FLNB: variants seen among roughly 807,000 people sequenced by gnomAD.
FLNB encodes the protein filamin B, also known as filamin-B.
In FLNB, 111 loss-of-function variants were observed where a neutral mutation model predicts 250.6. That is an observed-to-expected ratio of 0.44 (90% CI 0.38 to 0.52). FLNB has a LOEUF of 0.52. FLNB is among the 20% of genes least tolerant of loss of function. The probability of loss-of-function intolerance (pLI) is 0.00; values close to 1 mark genes in which losing one functional copy is unlikely to be tolerated. For synonymous variants in FLNB, 1,302 were observed against 1,372.1 expected, an observed-to-expected ratio of 0.95 and a Z score of 1.13; for missense variants, 2,869 against 3,447.8, an observed-to-expected ratio of 0.83 and a Z score of 4.20.
At position 58,142,859 on chromosome 3, in the gene FLNB, C is replaced by A; in HGVS notation, c.5284+107C>A. On this transcript the variant is annotated intron_variant, in intron 31 of 45. Transcript: ENST00000295956. The surrounding 1 kb of genome is among the most constrained non-coding windows in gnomAD (Gnocchi z 4.3). ...TGTCCCCCAGACCCAGGCTCCTTAA[C>A]CCAGGGTCACGAGTTCTTGGTCTCC... 1 of 946,092 alleles carries A rather than the reference C, an allele frequency of 1.1e-6. No homozygotes were observed. The highest frequency in any genetic ancestry group is 1.7e-6 in the Non-Finnish European group (1 of 592,868). 58.6% of individuals were successfully genotyped at this position (946,092 alleles called of 1,614,324 possible).
In FLNB at chr3:58,172,133, G is replaced by C. The variant is rs2097383286; in HGVS notation, c.*1371G>C. The C allele has an allele frequency of 6.6e-6, 1 of 152,648 alleles. No homozygotes were observed. The highest frequency in any genetic ancestry group is 2.1e-4 in the South Asian group (1 of 4,824). The allele number at this position is 152,648 out of a possible 1,614,324, so 9.5% of individuals were successfully genotyped here. Reference sequence around the variant, plus strand: ...ACCCTACAGAAAGTGGAACAGCCCGGAGCCTGATGTGAAAGGACCACGGGT... The same window carrying C: ...ACCCTACAGAAAGTGGAACAGCCCGCAGCCTGATGTGAAAGGACCACGGGT... On this transcript the variant is annotated 3_prime_UTR_variant, in exon 46 of 46. Coordinates refer to ENST00000295956, the MANE Select transcript of FLNB (RefSeq NM_001457.4).
chr3:58,105,694 T>G (rs1468998801), intron 11 of FLNB, among the ~76,000 whole-genome samples: 3 of 152,254 alleles, frequency 2.0e-5, no homozygotes, highest in Non-Finnish European at 2.9e-5. Flanking sequence ...GTGGGCCTTA[T>G]GGTCTCTGTC....
chr3:58,081,795 G>A lies in FLNB; in HGVS notation c.787+19G>A, dbSNP rs747025323. ...GGCAGAGGTGAGTGCTGGTCCTCTG[G>A]TGTTGTATTGGAGACATGTCCTCTG... On this transcript the variant is annotated intron_variant, in intron 4 of 45. Transcript: ENST00000295956. 41 of 1,613,700 alleles carry A rather than the reference G, an allele frequency of 2.5e-5. 2 individuals carry two copies. The South Asian group carries it at 4.5e-4, about 18-fold the overall frequency.
chr3:58,125,608 A>C lies in FLNB; in HGVS notation c.3926A>C (p.Asp1309Ala). 6.2e-7 allele frequency: 1 copy of C among 1,614,178 alleles called. No homozygotes were observed. The highest frequency in any genetic ancestry group is 8.5e-7 in the Non-Finnish European group (1 of 1,180,044). ...KGLHVVEVTY[D>A]DVPIPNSPFK... ...CTCCATGTAGTGGAGGTGACATATG[A>C]TGACGTGCCTATCCCAAACAGTCCC... is the stretch of plus-strand genomic sequence containing the variant. Residue 1309 changes from aspartate (D) to alanine (A), a missense_variant, in exon 23 of 46, where the codon GAT becomes GCT. Asp to Ala is a moderately radical substitution (Grantham distance 126, BLOSUM62 -2). Transcript: ENST00000295956.
rs2097294274 is a variant in FLNB at position 58,124,449 on chromosome 3, T to G, written c.3842T>G (p.Phe1281Cys). Residue 1281 changes from phenylalanine (F) to cysteine (C), a missense_variant, in exon 22 of 46, where the codon TTT becomes TGT. By Grantham distance (205) the Phe-to-Cys change is radical (BLOSUM62 -2). This residue lies in a region of FLNB where 1,348 missense variants were observed against 1,466.7 expected (regional missense o/e 0.92). Transcript: ENST00000295956. ...CCCTCAGGGGCCTCCACCGAGTGCT[T>G]TGTCACAGACAATGCGGATGGGACC... ...ANPSGASTEC[F>C]VTDNADGTYQ... is the part of the protein sequence containing the mutation. The G allele has an allele frequency of 6.2e-7, 1 of 1,614,102 alleles. No homozygotes were observed.
At chr3:58,100,373 A>AAATATATATAT in intron 8 of FLNB, among the ~76,000 whole-genome samples, 2 of 104,346 alleles carry the variant, frequency 1.9e-5, no homozygotes, top group South Asian at 6.8e-4. Flanking sequence ...GTAAAAAAAA[A>AAATATATATAT]ATATATATAT....
chr3:58,132,571 T>G (rs2097309316), intron 25 of FLNB: 1 of 588,190 alleles, frequency 1.7e-6, no homozygotes, highest in Admixed American at 2.7e-5. Flanking sequence ...TAGGGCAGAC[T>G]GAGTGTATTT....
rs1159715953 is a variant in FLNB at position 58,099,626 on chromosome 3, C to T, written c.1345+718C>T. 2.0e-5 allele frequency among the ~76,000 whole-genome samples: 3 copies of T among 152,148 alleles called. No homozygotes were observed. The East Asian group carries it at 5.8e-4, about 29-fold the overall frequency. ...CCTTTCCCTGTTCTGTCCTCTGAAT[C>T]TGCGTCTGCAGACGTGGCTTCCTCT... On this transcript the variant is annotated intron_variant, in intron 8 of 45. Coordinates refer to ENST00000295956, the MANE Select transcript of FLNB (RefSeq NM_001457.4).
At position 58,038,011 on chromosome 3, in the gene FLNB, C is replaced by T. The variant is rs151056521; in HGVS notation, c.292+29155C>T. 2.3e-3 allele frequency among the ~76,000 whole-genome samples: 352 copies of T among 151,908 alleles called. 1 individual carries two copies. Among genetic ancestry groups the T allele is most frequent in the African/African-American group, 8.1e-3 (334 of 41,442 alleles). ...GAAGACTTTGAGCCTGAGGCCTGTT[C>T]TTATTGTTTGTTTGTTTGTTTGTTT... On this transcript the variant is annotated intron_variant, in intron 1 of 45. Coordinates refer to ENST00000295956, the MANE Select transcript of FLNB (RefSeq NM_001457.4).
rs2107082662 is a variant in FLNB, at chr3:58,102,290, A to G, written c.1433A>G (p.Asp478Gly). The G allele has an allele frequency of 6.2e-7, 1 of 1,614,222 alleles. No individual in the cohort carries two copies. The highest frequency in any genetic ancestry group is 1.1e-5 in the South Asian group (1 of 91,086). ...CGGGAGACCACAGATTTCAAGGTTG[A>G]CACCAAAGCTGCAGGAAGTGGGGAG... is the stretch of plus-strand genomic sequence containing the variant. ...RIRETTDFKV[D>G]TKAAGSGELG... The change falls in exon 9 of 46, where the codon GAC becomes GGC. Residue 478 changes from aspartate to glycine, a missense_variant. Transcript: ENST00000295956.
chr3:58,108,709 G>C, intron 13 of FLNB, 138 bp downstream of exon 13: 1 of 677,076 alleles, frequency 1.5e-6, no homozygotes, highest in Non-Finnish European at 2.7e-6. Flanking sequence ...ATCTTATAGG[G>C]TTATGTGAGG....
At chr3:58,151,740 A>G (rs1013966448) in intron 38 of FLNB, among the ~76,000 whole-genome samples, 1 of 152,198 alleles carries the variant, frequency 6.6e-6, no homozygotes, top group Non-Finnish European at 1.5e-5. Flanking sequence ...AACCTTCGTT[A>G]CTCATCTCTG....
intron 1 of FLNB, among the ~76,000 whole-genome samples, chr3:58,031,944 T>C (rs1421252044): frequency 6.6e-6 from 1 of 151,730 alleles, no homozygotes; most frequent in Admixed American, 6.6e-5. Context: ...TGTTTGTTTG[T>C]TTGAGACAGG....
Position 58,036,226 on chromosome 3 carries a change from C to G in FLNB, c.292+27370C>G, listed in dbSNP as rs568515033. 9.2e-5 allele frequency among the ~76,000 whole-genome samples: 14 copies of G among 152,292 alleles called. No individual in the cohort carries two copies. The East Asian group carries it at 2.7e-3, about 29-fold the overall frequency. On this transcript the variant is annotated intron_variant, in intron 1 of 45. Coordinates refer to ENST00000295956, the MANE Select transcript of FLNB (RefSeq NM_001457.4). ...TTTTGTAACCACCTAACGAGTTCACCTTGCCTGCTGCCTAGACGGAGCTGA... is the reference window on the plus strand; with the variant it reads ...TTTTGTAACCACCTAACGAGTTCACGTTGCCTGCTGCCTAGACGGAGCTGA...
Position 58,169,824 on chromosome 3 carries a change from TG to T in FLNB, c.7621+35del. The T allele has an allele frequency of 2.9e-6, 2 of 684,940 alleles. No individual in the cohort carries two copies. Among genetic ancestry groups the T allele is most frequent in the Non-Finnish European group, 5.2e-6 (2 of 387,982 alleles). The allele number at this position is 684,940 out of a possible 1,614,324, so 42.4% of individuals were successfully genotyped here. A position where few individuals can be genotyped will look rare whatever the true frequency, so the allele number is the denominator to read the frequency against. On this transcript the variant is annotated intron_variant, in intron 45 of 45. Transcript: ENST00000295956. The surrounding 1 kb of genome is among the most constrained non-coding windows in gnomAD (Gnocchi z 4.8). ...TGTCTGGGCCTTTTCAAGGGTGGGGTGGGGCAGGGGCAGGCTGGGCACCCTG... is the reference window on the plus strand; with the variant it reads ...TGTCTGGGCCTTTTCAAGGGTGGGGTGGGCAGGGGCAGGCTGGGCACCCTG...
chr3:58,047,500 C>G (rs2097155943), intron 1 of FLNB, among the ~76,000 whole-genome samples: 2 of 151,972 alleles, frequency 1.3e-5, no homozygotes, highest in Admixed American at 6.6e-5. Context: ...TCCCCAGAGC[C>G]TCCAATTGTT....
Position 58,169,815 on chromosome 3 carries a change from A to AAG in FLNB, c.7621+22_7621+23insAG. ...GCTGGTAGGTGTCTGGGCCTTTTCAAGGGTGGGGTGGGGCAGGGGCAGGCT... is the reference window on the plus strand; with the variant it reads ...GCTGGTAGGTGTCTGGGCCTTTTCAAAGGGGTGGGGTGGGGCAGGGGCAGGCT... On this transcript the variant is annotated intron_variant, in intron 45 of 45. Transcript: ENST00000295956. This position sits in a 1 kb window ranked among gnomAD's most constrained non-coding sequence, Gnocchi z 4.8. The AAG allele has an allele frequency of 2.9e-6, 2 of 688,176 alleles. No individual in the cohort carries two copies. The highest frequency in any genetic ancestry group is 5.0e-6 in the Non-Finnish European group (2 of 397,640). 42.6% of individuals were successfully genotyped at this position (688,176 alleles called of 1,614,324 possible). A position where few individuals can be genotyped will look rare whatever the true frequency, so the allele number is the denominator to read the frequency against.
intron 36 of FLNB, chr3:58,149,086 T>C (rs2097340666): frequency 1.9e-6 from 1 of 537,366 alleles, no homozygotes; most frequent in African/African-American, 1.9e-5. Context: ...CCCTCTGCAC[T>C]AGGATCTGAA....
At chr3:58,045,298 T>G (rs1442700505) in intron 1 of FLNB, among the ~76,000 whole-genome samples, 1 of 152,186 alleles carries the variant, frequency 6.6e-6, no homozygotes, top group Admixed American at 6.5e-5. Flanking sequence ...CCTTCACATG[T>G]TTGTCTTCTG....
Sources: allele counts gnomAD v4.1 joint callset (sites outside exome capture counted in the v4.1 genomes callset), GRCh38; gene constraint gnomAD v4.1.1; regional missense constraint gnomAD v4.1.1; non-coding constraint Gnocchi (gnomAD v3.1); transcripts MANE v1.5; gene names NCBI Gene and HGNC (gene_info 2026-07-23, HGNC 2026-07-21).